Variants in RALYL observed in about 807,000 individuals in gnomAD.
RALYL encodes the protein RNA-binding Raly-like protein.
Under a neutral mutation model 35.1 loss-of-function variants are expected in RALYL, and 29 were observed. That is an observed-to-expected ratio of 0.83 (90% CI 0.61 to 1.13). The LOEUF (loss-of-function observed/expected upper bound fraction) is 1.13, where lower values mean the gene tolerates loss of function less well. RALYL is among the 50% of genes most tolerant of loss of function. The probability of loss-of-function intolerance (pLI) is 0.00; values close to 1 mark genes in which losing one functional copy is unlikely to be tolerated. For synonymous variants in RALYL, 120 were observed against 127.6 expected, an observed-to-expected ratio of 0.94 and a Z score of 0.40; for missense variants, 359 against 360.4, an observed-to-expected ratio of 1.00 and a Z score of 0.03.
intron 2 of RALYL, among the ~76,000 whole-genome samples, chr8:84,613,737 C>T (rs1396679608): frequency 1.3e-5 from 2 of 151,302 alleles, no homozygotes; most frequent in African/African-American, 4.9e-5. Flanking sequence ...TGCCCAACAA[C>T]ATAGCTAAAG....
chr8:84,364,678 T>C (rs545563340), intron 1 of RALYL, among the ~76,000 whole-genome samples: 1 of 152,282 alleles, frequency 6.6e-6, no homozygotes, highest in South Asian at 2.1e-4. Flanking sequence ...AAACTCATGA[T>C]TCATTAACAC....
intron 1 of RALYL, among the ~76,000 whole-genome samples, chr8:84,331,773 A>C (rs1846865516): frequency 6.6e-6 from 1 of 151,884 alleles, no homozygotes; most frequent in Non-Finnish European, 1.5e-5. Context: ...GTGTTTCCAT[A>C]AATTCTGAAA....
chr8:84,299,869 T>C (rs73294900), intron 1 of RALYL, among the ~76,000 whole-genome samples: 7,190 of 152,034 alleles, frequency 0.047, 264 homozygotes, highest in African/African-American at 0.083. Context: ...TTTATTAGTC[T>C]CACTAGCTGT....
At chr8:84,810,594 C>T (rs1437979969) in intron 4 of RALYL, among the ~76,000 whole-genome samples, 1 of 152,034 alleles carries the variant, frequency 6.6e-6, no homozygotes, top group Non-Finnish European at 1.5e-5. Flanking sequence ...TATTGAAGTT[C>T]CCCACTATTA....
At chr8:84,455,158 G>A (rs373842667) in intron 1 of RALYL, among the ~76,000 whole-genome samples, 1 of 151,936 alleles carries the variant, frequency 6.6e-6, no homozygotes, top group Admixed American at 6.6e-5. Flanking sequence ...TAAATCTCTG[G>A]CTGAGTTCAT....
At chr8:84,448,981 G>A (rs564029121) in intron 1 of RALYL, among the ~76,000 whole-genome samples, 222 of 151,936 alleles carry the variant, frequency 1.5e-3, no homozygotes, top group Non-Finnish European at 2.9e-3. Context: ...ATGTTAATAT[G>A]CGAATATCCA....
chr8:84,802,637 T>C (rs926325265), intron 3 of RALYL, among the ~76,000 whole-genome samples: 2 of 152,200 alleles, frequency 1.3e-5, no homozygotes, highest in Non-Finnish European at 2.9e-5. Flanking sequence ...CAATAAATAC[T>C]ACTGCAAACA....
chr8:84,813,771 T>A (rs192952605), intron 4 of RALYL, among the ~76,000 whole-genome samples: 1 of 150,966 alleles, frequency 6.6e-6, no homozygotes. Context: ...ACTTTTTTTT[T>A]AATACTTTAA....
intron 2 of RALYL, among the ~76,000 whole-genome samples, chr8:84,740,181 T>G (rs1400470129): frequency 6.6e-6 from 1 of 151,956 alleles, no homozygotes; most frequent in Non-Finnish European, 1.5e-5. Flanking sequence ...GCGTTATACT[T>G]CGGGTGTGCA....
At chr8:84,523,521 T>G (rs1340271847) in intron 1 of RALYL, among the ~76,000 whole-genome samples, 1 of 152,028 alleles carries the variant, frequency 6.6e-6, no homozygotes, top group Non-Finnish European at 1.5e-5. Context: ...ATTTTTTTAT[T>G]TTTTTTATTA....
intron 1 of RALYL, among the ~76,000 whole-genome samples, chr8:84,460,236 G>C (rs1221329080): frequency 6.6e-6 from 1 of 151,638 alleles, no homozygotes; most frequent in African/African-American, 2.4e-5. Context: ...TATATTTGTG[G>C]AAGTCTAAAT....
At chr8:84,203,213 G>T (rs1472542478) in intron 1 of RALYL, among the ~76,000 whole-genome samples, 2 of 152,038 alleles carry the variant, frequency 1.3e-5, no homozygotes, top group East Asian at 3.9e-4. Flanking sequence ...TTTGAGTCCT[G>T]CAGAGTTGCC....
At chr8:84,210,466 T>C (rs10099399) in intron 1 of RALYL, among the ~76,000 whole-genome samples, 35,485 of 151,450 alleles carry the variant, frequency 0.23, 4,289 homozygotes, top group Non-Finnish European at 0.27. Flanking sequence ...TAGTGGGTCA[T>C]TCATAAAAAC....
At chr8:84,917,038 C>T (rs1229412432) in intron 8 of RALYL, among the ~76,000 whole-genome samples, 1 of 152,024 alleles carries the variant, frequency 6.6e-6, no homozygotes, top group African/African-American at 2.4e-5. Context: ...GAAAATAAAA[C>T]ATCTTAGCAT....
At chr8:84,450,184 TAATAAAGGA>T (rs2049306218) in intron 1 of RALYL, among the ~76,000 whole-genome samples, 1 of 152,012 alleles carries the variant, frequency 6.6e-6, no homozygotes, top group African/African-American at 2.4e-5. Flanking sequence ...TCTATAAAAC[TAATAAAGGA>T]AATATAATTT....
chr8:84,837,745 TA>T (rs1184909676), intron 4 of RALYL, among the ~76,000 whole-genome samples: 1 of 152,196 alleles, frequency 6.6e-6, no homozygotes, highest in African/African-American at 2.4e-5. Context: ...TGTGAATGAT[TA>T]AGGACACACT....
At chr8:84,688,650 T>G (rs1184379735) in intron 2 of RALYL, among the ~76,000 whole-genome samples, 1 of 152,116 alleles carries the variant, frequency 6.6e-6, no homozygotes, top group Non-Finnish European at 1.5e-5. Flanking sequence ...AAAAAGCTTT[T>G]TTTACATTAA....
intron 2 of RALYL, among the ~76,000 whole-genome samples, chr8:84,662,670 A>G (rs577232249): frequency 6.6e-5 from 10 of 152,246 alleles, no homozygotes; most frequent in African/African-American, 2.4e-4. Flanking sequence ...TATATATTTG[A>G]AACTTTTCAA....
chr8:84,521,176 G>A (rs1227058911), intron 1 of RALYL, among the ~76,000 whole-genome samples: 1 of 152,126 alleles, frequency 6.6e-6, no homozygotes, highest in Admixed American at 6.5e-5. Context: ...TAGGAATTGT[G>A]CCCTTATAAG....
Sources: gnomAD v4.1 joint callset for allele counts (sites outside exome capture counted in the v4.1 genomes callset) on GRCh38, gnomAD v4.1.1 for gene constraint, MANE v1.5 for transcripts, NCBI Gene and HGNC (gene_info 2026-07-23, HGNC 2026-07-21) for gene names.